The following ANKRD18A variants were observed in gnomAD, a reference collection of about 807,000 sequenced individuals.
ANKRD18A encodes ankyrin repeat domain 18A.
ANKRD18A carries 72 observed loss-of-function variants against 110.6 expected under a neutral mutation model. The ratio of observed to expected loss-of-function variants is 0.65; its 90% CI spans 0.54 to 0.79. The LOEUF (loss-of-function observed/expected upper bound fraction) is 0.79, where lower values mean the gene tolerates loss of function less well. Ranked by LOEUF, ANKRD18A falls within the 30% of genes least tolerant of loss-of-function variation. The pLI is 0.00. For synonymous variants in ANKRD18A, 305 were observed against 410.3 expected (o/e 0.74, Z 3.10); for missense variants, 934 against 1,163.3 (o/e 0.80, Z 2.87).
chr9:38,570,268 A>G (rs955777974), downstream of ANKRD18A, among the ~76,000 whole-genome samples: 15 of 151,888 alleles, frequency 9.9e-5, no homozygotes, highest in Admixed American at 7.2e-4. Flanking sequence ...CAAGACCACA[A>G]TTTACCAGGT....
intron 5 of ANKRD18A, among the ~76,000 whole-genome samples, chr9:38,609,694 G>A (rs563320749): frequency 0.013 from 2,000 of 152,008 alleles, 48 homozygotes; most frequent in African/African-American, 0.046. Flanking sequence ...CTCTTCTTCT[G>A]ACTTGTAAAG....
intron 12 of ANKRD18A, among the ~76,000 whole-genome samples, chr9:38,580,760 T>C (rs1310008331): frequency 5.3e-5 from 8 of 150,390 alleles, no homozygotes; most frequent in Non-Finnish European, 3.0e-5. Context: ...TTCATCCCAT[T>C]AAAAGAATAG....
intron 15 of ANKRD18A, chr9:38,573,244 C>G (rs1823729772): frequency 6.1e-6 from 3 of 492,012 alleles, no homozygotes; most frequent in Non-Finnish European, 9.7e-6. Flanking sequence ...AGACATAACA[C>G]AAAGTTTGCT....
rs550931326 is a variant in ANKRD18A at position 38,571,754 on chromosome 9, C to T, written c.*291G>A. 15 of 1,085,558 alleles carry T rather than the reference C, an allele frequency of 1.4e-5. No individual in the cohort carries two copies. The East Asian group carries it at 4.7e-4, about 34-fold the overall frequency. 67.2% of individuals were successfully genotyped at this position (1,085,558 alleles called of 1,614,324 possible). On this transcript the variant is annotated 3_prime_UTR_variant, in exon 16 of 16. Transcript: ENST00000399703. ...AATTTGAGTAGGCCAAACTCAATAA[C>T]GCTGGTGTTCATTTGCAAGATCCAC...
At chr9:38,588,717 T>C (rs1824500286) in intron 10 of ANKRD18A, 54 bp from the exon 11 acceptor site, 2 of 1,087,862 alleles carry the variant, frequency 1.8e-6, no homozygotes, top group East Asian at 3.2e-5. Flanking sequence ...CCCTCTTCTA[T>C]CTTAAAAATA....
At chr9:38,586,845 T>A (rs1824407563) in intron 11 of ANKRD18A, among the ~76,000 whole-genome samples, 1 of 152,186 alleles carries the variant, frequency 6.6e-6, no homozygotes, top group Non-Finnish European at 1.5e-5. Context: ...ATTACAGGCA[T>A]GAGCCACCAC....
intron 12 of ANKRD18A, 112 bp from the exon 13 acceptor site, chr9:38,578,260 A>T (rs1015739593): frequency 8.1e-5 from 83 of 1,021,520 alleles, no homozygotes; most frequent in Non-Finnish European, 1.0e-4. Flanking sequence ...GTTATCTATA[A>T]TGTAGTAGAT....
At chr9:38,608,081 T>C (rs574739160) in intron 5 of ANKRD18A, among the ~76,000 whole-genome samples, 11 of 152,354 alleles carry the variant, frequency 7.2e-5, no homozygotes, top group African/African-American at 2.6e-4. Context: ...TTAGTTCTAT[T>C]TATTGTGGCT....
intron 14 of ANKRD18A, among the ~76,000 whole-genome samples, chr9:38,576,351 C>G (rs945852510): frequency 2.2e-4 from 34 of 152,302 alleles, no homozygotes; most frequent in African/African-American, 7.5e-4. Flanking sequence ...ACTAAAGCAT[C>G]TCTGAAGGCA....
In ANKRD18A at chr9:38,620,312, C is replaced by T. The variant is rs1339889680; in HGVS notation, c.-27G>A. The T allele has an allele frequency of 1.3e-6, 2 of 1,546,428 alleles. No individual in the cohort carries two copies. Among genetic ancestry groups the T allele is most frequent in the East Asian group, 2.5e-5 (1 of 40,720 alleles). On this transcript the variant is annotated 5_prime_UTR_variant, in exon 1 of 16. In the 5' UTR this introduces an upstream ATG that the reference lacks. Transcript: ENST00000399703. ...GTGGCGACTTCTCAGACGCCCACCA[C>T]CCGCTCCTGAGCCGCGGCGGCTCCT...
In ANKRD18A at chr9:38,588,791, C is replaced by T. The variant is rs569165700; in HGVS notation, c.2005-128G>A. On this transcript the variant is annotated intron_variant, in intron 10 of 15. Transcript: ENST00000399703. ...GGTTGTATAAAGTGCATTTTACAAA[C>T]CTGATGCCAATAACGAGATTTCAAA... The T allele has an allele frequency of 2.7e-4, 159 of 584,520 alleles. No individual in the cohort carries two copies. In the African/African-American group the frequency reaches 2.8e-3, roughly 10 times the overall value. The allele number at this position is 584,520 out of a possible 1,614,324, so 36.2% of individuals were successfully genotyped here. A position where few individuals can be genotyped will look rare whatever the true frequency, so the allele number is the denominator to read the frequency against.
intron 3 of ANKRD18A, among the ~76,000 whole-genome samples, chr9:38,613,984 T>C (rs559428459): frequency 1.7e-4 from 26 of 152,330 alleles, no homozygotes; most frequent in African/African-American, 5.5e-4. Context: ...CAAAAAGTGT[T>C]ATTCTGTAAG....
In ANKRD18A at chr9:38,603,158, C is replaced by T. The variant is rs1242939347; in HGVS notation, c.862+1G>A. On this transcript the variant is annotated splice_donor_variant, in intron 7 of 15. Coordinates refer to ENST00000399703, the MANE Select transcript of ANKRD18A (RefSeq NM_147195.4). LOFTEE classifies it high-confidence loss of function. The stretch of plus-strand genomic sequence containing the variant: ...AGGAGTAGAGAACTCAAGTGTCTTA[C>T]CTTTTGCACGTTCTTTTCTTTTTTT... 1 of 1,550,928 alleles carries T rather than the reference C, an allele frequency of 6.4e-7. No individual in the cohort carries two copies. The highest frequency in any genetic ancestry group is 1.2e-5 in the South Asian group (1 of 84,040).
In ANKRD18A at chr9:38,610,398, T is replaced by C; in HGVS notation, c.615A>G (p.Ile205Met). The C allele has an allele frequency of 1.3e-6, 2 of 1,544,052 alleles. No homozygotes were observed. The highest frequency in any genetic ancestry group is 1.7e-6 in the Non-Finnish European group (2 of 1,145,062). ...TTGACAAGTTATGCTGTACTGCAAG[T>C]ATGAGGGCTGTTCTAAAATAATAAA... Reference protein sequence around the residue: ...AVDNFKRTALILAVQHNLSSI... With the variant: ...AVDNFKRTALMLAVQHNLSSI... Residue 205 changes from isoleucine to methionine, a missense_variant, in exon 5 of 16, where the codon ATA becomes ATG. Around this residue, in one of 4 missense-constraint regions of ANKRD18A, gnomAD observed 630 missense variants for 797.5 expected, o/e 0.79. Transcript: ENST00000399703.
rs1380838485 is a variant in ANKRD18A, at chr9:38,578,126, T to C, written c.2270A>G (p.Lys757Arg). 2.6e-6 allele frequency: 4 copies of C among 1,546,260 alleles called. No homozygotes were observed. The highest frequency in any genetic ancestry group is 2.8e-5 in the African/African-American group (2 of 72,672). ...GACACATTCTGAAGACACAGCTTCC[T>C]TCTCGGCCACAAGATCATTAAACTG... ...KQKFNDLVAE[K>R]EAVSSECVNL... The change falls in exon 13 of 16, where the codon AAG (lysine) becomes AGG (arginine). Residue 757 changes from lysine to arginine, a missense_variant. Physicochemically the swap from Lys to Arg is conservative, Grantham distance 26. Around this residue, in one of 4 missense-constraint regions of ANKRD18A, gnomAD observed 79 missense variants for 122.8 expected, o/e 0.64. Coordinates refer to ENST00000399703, the MANE Select transcript of ANKRD18A (RefSeq NM_147195.4).
At chr9:38,617,497 A>T (rs1435362169) in intron 1 of ANKRD18A, among the ~76,000 whole-genome samples, 1 of 152,198 alleles carries the variant, frequency 6.6e-6, no homozygotes, top group Non-Finnish European at 1.5e-5. Flanking sequence ...GAAACTCATG[A>T]TTGAGATGAA....
chr9:38,599,248 C>A (rs1258074418), intron 8 of ANKRD18A, among the ~76,000 whole-genome samples: 1 of 152,144 alleles, frequency 6.6e-6, no homozygotes, highest in African/African-American at 2.4e-5. Context: ...GTGAGATGGG[C>A]TCCTTCTGTT....
At chr9:38,579,249 A>G (rs2993203) in intron 12 of ANKRD18A, among the ~76,000 whole-genome samples, 16,641 of 152,228 alleles carry the variant, frequency 0.11, 1,166 homozygotes, top group African/African-American at 0.21. Context: ...ATAAGTAAAC[A>G]TAGGGAAAAT....
At chr9:38,601,397 A>G (rs954529921) in intron 7 of ANKRD18A, among the ~76,000 whole-genome samples, 193 bp from the exon 8 acceptor site, 4 of 152,238 alleles carry the variant, frequency 2.6e-5, no homozygotes, top group African/African-American at 9.6e-5. Flanking sequence ...GAGACGCTAG[A>G]TATCAGCAGG....
Sources: gnomAD v4.1 joint callset for allele counts (sites outside exome capture counted in the v4.1 genomes callset) on GRCh38, gnomAD v4.1.1 for gene constraint, gnomAD v4.1.1 regional missense constraint, MANE v1.5 for transcripts, NCBI Gene and HGNC (gene_info 2026-07-23, HGNC 2026-07-21) for gene names.